UST: variants seen among roughly 807,000 people sequenced by gnomAD.
UST encodes uronyl 2-sulfotransferase, also known as chondroitin sulfate 2-O-sulfotransferase.
UST carries 21 observed loss-of-function variants against 45.6 expected under a neutral mutation model. That is an observed-to-expected ratio of 0.46 (90% CI 0.33 to 0.66). The LOEUF (loss-of-function observed/expected upper bound fraction) is 0.66, where lower values mean the gene tolerates loss of function less well. UST is among the 30% of genes least tolerant of loss of function. The pLI is 0.02. For missense variants in UST, 463 were observed against 512.4 expected, an observed-to-expected ratio of 0.90 and a Z score of 0.93; for synonymous variants, 215 against 200.6, an observed-to-expected ratio of 1.07 and a Z score of -0.61.
At chr6:149,002,082 CT>C (rs1781560961) in intron 5 of UST, among the ~76,000 whole-genome samples, 1 of 151,826 alleles carries the variant, frequency 6.6e-6, no homozygotes, top group African/African-American at 2.4e-5. Flanking sequence ...ATGAAAGTAT[CT>C]TAAGCTCCTT....
Position 148,790,886 on chromosome 6 carries a change from G to A in UST, c.247+43209G>A, listed in dbSNP as rs763171237. Among the ~76,000 whole-genome samples, 3 of 152,152 alleles carry A rather than the reference G, an allele frequency of 2.0e-5. No individual in the cohort carries two copies. The highest frequency in any genetic ancestry group is 4.8e-5 in the African/African-American group (2 of 41,430). On this transcript the variant is annotated intron_variant, in intron 1 of 7. Coordinates refer to ENST00000367463, the MANE Select transcript of UST (RefSeq NM_005715.3). This position sits in a 1 kb window ranked among gnomAD's most constrained non-coding sequence, Gnocchi z 4.2. The stretch of plus-strand genomic sequence containing the variant: ...CGCAGTTTGCCTTCTCTCTCTGCCC[G>A]TTCCTGCGTCTCCACTCCTTTGTAG...
chr6:148,949,229 T>G (rs1780309626), intron 3 of UST, among the ~76,000 whole-genome samples: 1 of 151,384 alleles, frequency 6.6e-6, no homozygotes, highest in Non-Finnish European at 1.5e-5. Context: ...AGGGGGAGGT[T>G]GCAGTGAGCC....
At chr6:148,969,616 T>C (rs910843797) in intron 5 of UST, among the ~76,000 whole-genome samples, 1 of 152,128 alleles carries the variant, frequency 6.6e-6, no homozygotes, top group African/African-American at 2.4e-5. Flanking sequence ...GTATTGATGC[T>C]CCCACCCCCT....
At chr6:148,947,855 A>G (rs17080393) in intron 3 of UST, among the ~76,000 whole-genome samples, 3,524 of 152,068 alleles carry the variant, frequency 0.023, 45 homozygotes, top group Non-Finnish European at 0.027. Flanking sequence ...TAGTTCACAC[A>G]GCCCTGCAGA....
intron 1 of UST, among the ~76,000 whole-genome samples, chr6:148,866,033 G>GTA (rs999251357): frequency 3.4e-4 from 52 of 151,384 alleles, no homozygotes; most frequent in Admixed American, 1.5e-3. Context: ...GTGTGTGTAT[G>GTA]TATATATATA....
At chr6:148,775,750 C>G (rs866810273) in intron 1 of UST, among the ~76,000 whole-genome samples, 3 of 152,060 alleles carry the variant, frequency 2.0e-5, no homozygotes, top group African/African-American at 7.2e-5. Flanking sequence ...GCCTCAGCCT[C>G]CCGAGTAGCT....
chr6:148,867,708 G>T (rs1434857424), intron 1 of UST, among the ~76,000 whole-genome samples: 1 of 152,090 alleles, frequency 6.6e-6, no homozygotes, highest in African/African-American at 2.4e-5. Flanking sequence ...CGCCCTGATT[G>T]TGAGGCCTCC....
chr6:148,958,370 A>G (rs1303045272), intron 4 of UST, among the ~76,000 whole-genome samples: 1 of 152,196 alleles, frequency 6.6e-6, no homozygotes, highest in Non-Finnish European at 1.5e-5. Flanking sequence ...CAGAGATCTC[A>G]GGCTTCAGTG....
In UST at chr6:149,019,249, G is replaced by T. The variant is rs767008844; in HGVS notation, c.779+13G>T. The T allele has an allele frequency of 3.7e-6, 6 of 1,606,496 alleles. No homozygotes were observed. The African/African-American group carries it at 8.0e-5, about 22-fold the overall frequency. ...ATCCCAGATGCAGGTAAGGGCTAAA[G>T]CAGGGTCATGGCATGCACGTACGCA... On this transcript the variant is annotated intron_variant, in intron 6 of 7. Transcript: ENST00000367463.
chr6:148,957,144 C>T (rs548685350), intron 4 of UST, among the ~76,000 whole-genome samples: 12 of 152,306 alleles, frequency 7.9e-5, no homozygotes, highest in Admixed American at 2.0e-4. Flanking sequence ...GACTGCCTGA[C>T]CAGCTTTGCT....
intron 7 of UST, among the ~76,000 whole-genome samples, chr6:149,066,807 G>C (rs1776735881): frequency 6.6e-6 from 1 of 152,136 alleles, no homozygotes; most frequent in Non-Finnish European, 1.5e-5. Context: ...GAGCATGGTA[G>C]CTCACTCCTG....
intron 7 of UST, among the ~76,000 whole-genome samples, chr6:149,044,846 G>A (rs1776375722): frequency 6.6e-6 from 1 of 152,194 alleles, no homozygotes; most frequent in South Asian, 2.1e-4. Context: ...ACGTGCTTTG[G>A]ATATCAGATT....
chr6:148,804,881 A>C (rs4897052), intron 1 of UST, among the ~76,000 whole-genome samples: 93,903 of 150,016 alleles, frequency 0.63, 29,943 homozygotes, highest in East Asian at 0.89. Context: ...TAAAATGAAA[A>C]TATACTGGCA....
At chr6:149,064,049 C>A (rs1394452316) in intron 7 of UST, among the ~76,000 whole-genome samples, 1 of 152,146 alleles carries the variant, frequency 6.6e-6, no homozygotes, top group Admixed American at 6.5e-5. Flanking sequence ...GTATGAAAGA[C>A]CCAACTCCAT....
intron 5 of UST, among the ~76,000 whole-genome samples, chr6:148,981,370 T>C (rs537615705): frequency 7.9e-5 from 12 of 152,326 alleles, no homozygotes; most frequent in African/African-American, 2.9e-4. Flanking sequence ...GCAGACAGGC[T>C]TCAGAAACCT....
At chr6:149,001,185 C>T (rs566506003) in intron 5 of UST, among the ~76,000 whole-genome samples, 4 of 151,690 alleles carry the variant, frequency 2.6e-5, no homozygotes, top group Non-Finnish European at 2.9e-5. Context: ...CATTCTCCTG[C>T]GTCAGCCTCC....
chr6:148,755,879 T>A lies in UST; in HGVS notation c.247+8202T>A, dbSNP rs199990651. On this transcript the variant is annotated intron_variant, in intron 1 of 7. Coordinates refer to ENST00000367463, the MANE Select transcript of UST (RefSeq NM_005715.3). ...ATGGTAATATTTTTTAATTATACTT[T>A]AAGTTCTAGGGTACATGTGCACAAC... Among the ~76,000 whole-genome samples, 4 of 152,270 alleles carry A rather than the reference T, an allele frequency of 2.6e-5. No individual in the cohort carries two copies. In the East Asian group the frequency reaches 7.7e-4, roughly 29 times the overall value.
intron 1 of UST, among the ~76,000 whole-genome samples, chr6:148,800,643 C>T (rs528104030): frequency 3.3e-5 from 5 of 151,676 alleles, no homozygotes; most frequent in East Asian, 1.9e-4. Flanking sequence ...ATTCACAATT[C>T]GAGGGATTGC....
At chr6:148,914,750 A>G (rs1779549350) in intron 2 of UST, among the ~76,000 whole-genome samples, 1 of 152,206 alleles carries the variant, frequency 6.6e-6, no homozygotes, top group African/African-American at 2.4e-5. Flanking sequence ...GCCACGGACC[A>G]GTACCAGTCC....
Sources: allele counts gnomAD v4.1 joint callset (sites outside exome capture counted in the v4.1 genomes callset), GRCh38; gene constraint gnomAD v4.1.1; non-coding constraint Gnocchi (gnomAD v3.1); transcripts MANE v1.5; gene names NCBI Gene and HGNC (gene_info 2026-07-23, HGNC 2026-07-21).